PPP6R2: variants seen among roughly 807,000 people sequenced by gnomAD.
The protein encoded by PPP6R2 is protein phosphatase 6 regulatory subunit 2.
In PPP6R2, 62 loss-of-function variants were observed where a neutral mutation model predicts 100.2. The observed-to-expected ratio is 0.62, with a 90% CI of 0.50 to 0.76. PPP6R2 has a LOEUF of 0.76. PPP6R2 is among the 30% of genes least tolerant of loss of function. The probability of loss-of-function intolerance (pLI) is 0.00; values close to 1 mark genes in which losing one functional copy is unlikely to be tolerated. For missense variants in PPP6R2, 1,142 were observed against 1,276.3 expected (o/e 0.89, Z 1.60); for synonymous variants, 525 against 514.7 (o/e 1.02, Z -0.27).
Position 50,444,203 on chromosome 22 carries a change from A to C in PPP6R2, c.2836A>C (p.Thr946Pro), listed in dbSNP as rs1173242280. 11 of 1,612,960 alleles carry C rather than the reference A, an allele frequency of 6.8e-6. No homozygotes were observed. The highest frequency in any genetic ancestry group is 9.3e-6 in the Non-Finnish European group (11 of 1,179,804). Residue 946 changes from threonine (T) to proline (P), a missense_variant, in exon 24 of 24, where the codon ACA becomes CCA. Thr to Pro is a conservative substitution (Grantham distance 38). Around this residue, in one of 2 missense-constraint regions of PPP6R2, gnomAD observed 550 missense variants for 517.4 expected, o/e 1.06. Coordinates refer to ENST00000612753, the MANE Select transcript of PPP6R2 (RefSeq NM_001242898.2). ...TLGTVTKDGKTDAPPEGAALN... is the reference protein window; with the variant it reads ...TLGTVTKDGKPDAPPEGAALN... ...AACCCCACCCCATTCCTGCAGGAAG[A>C]CAGATGCCCCGCCAGAAGGAGCTGC...
intron 1 of PPP6R2, among the ~76,000 whole-genome samples, chr22:50,350,007 A>C (rs1169435776): frequency 6.6e-6 from 1 of 151,578 alleles, no homozygotes; most frequent in Non-Finnish European, 1.5e-5. Context: ...AATCCCAGCT[A>C]TTCGGGAGCC....
At chr22:50,331,726 A>G in the PPP6R2 span, among the ~76,000 whole-genome samples, 1 of 152,110 alleles carries the variant, frequency 6.6e-6, no homozygotes, top group Non-Finnish European at 1.5e-5. Context: ...GAGTTCAAGC[A>G]ATTCTCCTGC....
chr22:50,443,634 G>C (rs1320555220), intron 22 of PPP6R2: 1 of 596,134 alleles, frequency 1.7e-6, no homozygotes, highest in African/African-American at 1.9e-5. Context: ...GCCTGGAGGA[G>C]GTTTGAGGTC....
At chr22:50,396,066 A>C (rs568820515) in intron 3 of PPP6R2, among the ~76,000 whole-genome samples, 2 of 150,092 alleles carry the variant, frequency 1.3e-5, no homozygotes, top group South Asian at 4.3e-4. Context: ...GTAGTGGCGC[A>C]CGCCTGTAAT....
chr22:50,370,497 C>T lies in PPP6R2; in HGVS notation c.-147-1523C>T, dbSNP rs542683258. On this transcript the variant is annotated intron_variant, in intron 1 of 23. Transcript: ENST00000612753. Reference sequence around the variant, plus strand: ...AGAGATGGGGTTTCACTATGTTGGCCAGACTGGTCTCGAATGCCTGACCTC... The same window carrying T: ...AGAGATGGGGTTTCACTATGTTGGCTAGACTGGTCTCGAATGCCTGACCTC... Among the ~76,000 whole-genome samples, 19 of 151,892 alleles carry T rather than the reference C, an allele frequency of 1.3e-4. 1 individual carries two copies. Among genetic ancestry groups the T allele is most frequent in the South Asian group, 4.2e-4 (2 of 4,818 alleles).
chr22:50,366,532 G>A (rs2048800314), intron 1 of PPP6R2, among the ~76,000 whole-genome samples: 3 of 152,096 alleles, frequency 2.0e-5, no homozygotes, highest in Admixed American at 1.3e-4. Context: ...TCGAACTCCT[G>A]ACCTCAGGTG....
At chr22:50,397,675 T>C (rs1431184386) in intron 3 of PPP6R2, among the ~76,000 whole-genome samples, 1 of 93,200 alleles carries the variant, frequency 1.1e-5, no homozygotes, top group Non-Finnish European at 1.9e-5. Context: ...GGAGTGTGAC[T>C]TGGGATGGGG....
Position 50,445,067 on chromosome 22 carries a change from TAAA to T in PPP6R2, c.*822_*824del, listed in dbSNP as rs2066718276. 6.6e-6 allele frequency: 1 copy of T among 152,642 alleles called. No homozygotes were observed. Among genetic ancestry groups the T allele is most frequent in the Admixed American group, 6.6e-5 (1 of 15,264 alleles). The allele number at this position is 152,642 out of a possible 1,614,324, so 9.5% of individuals were successfully genotyped here. A position where few individuals can be genotyped will look rare whatever the true frequency, so the allele number is the denominator to read the frequency against. ...GGCACCCCAAACCCCCAACTCCCAATAAAAGCCGTGACGTTCGGACAAACCGCG... is the reference window on the plus strand; with the variant it reads ...GGCACCCCAAACCCCCAACTCCCAATAGCCGTGACGTTCGGACAAACCGCG... On this transcript the variant is annotated 3_prime_UTR_variant, in exon 24 of 24. Transcript: ENST00000612753.
intron 1 of PPP6R2, among the ~76,000 whole-genome samples, chr22:50,351,013 A>G (rs2044995948): frequency 7.8e-6 from 1 of 128,942 alleles, no homozygotes; most frequent in South Asian, 2.8e-4. Flanking sequence ...TCTGAGCAGT[A>G]GGTCTCAACA....
upstream of PPP6R2, among the ~76,000 whole-genome samples, chr22:50,339,603 TGC>T (rs2042346306): frequency 8.0e-6 from 1 of 124,412 alleles, no homozygotes; most frequent in South Asian, 2.8e-4. Flanking sequence ...GTATGGTGTG[TGC>T]GGTGTGTGTG....
intron 10 of PPP6R2, among the ~76,000 whole-genome samples, chr22:50,424,438 T>C (rs1979571701): frequency 7.4e-6 from 1 of 134,984 alleles, no homozygotes; most frequent in African/African-American, 2.8e-5. Flanking sequence ...GGAAGGTCCG[T>C]CCGCGTGTGG....
intron 3 of PPP6R2, among the ~76,000 whole-genome samples, chr22:50,404,569 C>G (rs1353993917): frequency 6.6e-6 from 1 of 151,710 alleles, no homozygotes; most frequent in Non-Finnish European, 1.5e-5. Flanking sequence ...GCATGTGCCA[C>G]CTCGCCTGGC....
At chr22:50,371,290 C>T (rs1008896653) in intron 1 of PPP6R2, among the ~76,000 whole-genome samples, 4 of 152,078 alleles carry the variant, frequency 2.6e-5, no homozygotes, top group African/African-American at 9.7e-5. Flanking sequence ...CTGTAATGTG[C>T]TGTGTGAACT....
At chr22:50,381,784 C>T (rs1455993116) in intron 2 of PPP6R2, among the ~76,000 whole-genome samples, 2 of 151,722 alleles carry the variant, frequency 1.3e-5, no homozygotes, top group African/African-American at 4.8e-5. Context: ...GGCGGGCTCC[C>T]GTAGTCCCAG....
intron 2 of PPP6R2, among the ~76,000 whole-genome samples, chr22:50,381,857 G>A (rs529902024): frequency 2.0e-5 from 3 of 149,770 alleles, no homozygotes; most frequent in African/African-American, 7.4e-5. Context: ...GCAGTGTGCT[G>A]AGATCACACC....
intron 1 of PPP6R2, among the ~76,000 whole-genome samples, chr22:50,356,739 A>G (rs1481394583): frequency 6.6e-6 from 1 of 151,924 alleles, no homozygotes; most frequent in Non-Finnish European, 1.5e-5. Context: ...GTTCGAGACC[A>G]GCCTGACCAA....
At position 50,406,679 on chromosome 22, in the gene PPP6R2, G is replaced by T; in HGVS notation, c.228-10G>T. The T allele has an allele frequency of 6.2e-7, 1 of 1,610,664 alleles. No individual in the cohort carries two copies. Among genetic ancestry groups the T allele is most frequent in the South Asian group, 1.1e-5 (1 of 91,034 alleles). On this transcript the variant is annotated splice_polypyrimidine_tract_variant and intron_variant, in intron 3 of 23. Transcript: ENST00000612753. ...ATTTCACCTCCAGTGCTTGGACTGT[G>T]CCCTTTTAGATATCCAAACACAGCC...
intron 6 of PPP6R2, 123 bp from the exon 7 acceptor site, chr22:50,418,744 C>A (rs2060897254): frequency 4.0e-6 from 3 of 744,776 alleles, no homozygotes; most frequent in Non-Finnish European, 4.6e-6. Context: ...TGGTATTGAA[C>A]AACAACGAAA....
At position 50,419,412 on chromosome 22, in the gene PPP6R2, C is replaced by T. The variant is rs145369656; in HGVS notation, c.795C>T (p.Leu265=). The change falls in exon 8 of 24, where the codon CTC becomes CTT. Residue 265 remains leucine (L), a synonymous_variant. Transcript: ENST00000612753. ...ATGGAGACCGGACGGAGAGCTGCCTCGTCAGTGGGACTCAGGTGTTACTCA... is the reference window on the plus strand; with the variant it reads ...ATGGAGACCGGACGGAGAGCTGCCTTGTCAGTGGGACTCAGGTGTTACTCA... ...MFDGDRTESC[L]VSGTQVLLTL... is the part of the protein sequence containing the mutation. 1.2e-5 allele frequency: 19 copies of T among 1,614,080 alleles called. No homozygotes were observed. The African/African-American group carries it at 1.9e-4, about 16-fold the overall frequency.
Sources: gnomAD v4.1 joint callset for allele counts (sites outside exome capture counted in the v4.1 genomes callset) on GRCh38, gnomAD v4.1.1 for gene constraint, gnomAD v4.1.1 regional missense constraint, MANE v1.5 for transcripts, NCBI Gene and HGNC (gene_info 2026-07-23, HGNC 2026-07-21) for gene names.